DSCAM: variants seen among roughly 807,000 people sequenced by gnomAD.
The protein encoded by DSCAM is cell adhesion molecule DSCAM.
A neutral mutation model predicts 217.7 loss-of-function variants in DSCAM; 47 were observed. The observed-to-expected ratio is 0.22, with a 90% confidence interval of 0.17 to 0.28. DSCAM has a LOEUF of 0.28. DSCAM is among the 10% of genes least tolerant of loss of function. The pLI, the probability that DSCAM is intolerant of heterozygous loss-of-function variation, is 1.00. For missense variants in DSCAM, 2,080 were observed against 2,618.3 expected (o/e 0.79, Z 4.49); for synonymous variants, 1,056 against 1,015.3 (o/e 1.04, Z -0.76).
At chr21:40,368,781 C>A (rs1159594321) in intron 4 of DSCAM, among the ~76,000 whole-genome samples, 1 of 152,114 alleles carries the variant, frequency 6.6e-6, no homozygotes, top group Non-Finnish European at 1.5e-5. Flanking sequence ...GTTTTATAAT[C>A]AAATCAAATG....
At chr21:40,049,634 C>T (rs985085738) in intron 30 of DSCAM, among the ~76,000 whole-genome samples, 1 of 152,216 alleles carries the variant, frequency 6.6e-6, no homozygotes, top group African/African-American at 2.4e-5. Context: ...AGCACTGAGC[C>T]ATATACGTAA....
intron 3 of DSCAM, among the ~76,000 whole-genome samples, chr21:40,553,980 T>A (rs1470971140): frequency 6.6e-6 from 1 of 151,986 alleles, no homozygotes. Context: ...TGAATCAGGG[T>A]GCTTGTCATT....
chr21:40,072,851 T>C (rs774603094), intron 27 of DSCAM, among the ~76,000 whole-genome samples: 18 of 152,338 alleles, frequency 1.2e-4, no homozygotes, highest in South Asian at 1.0e-3. Context: ...CCCCAGAACA[T>C]AGAAATCAAA....
Position 40,033,565 on chromosome 21 carries a change from G to T in DSCAM, c.5686+8806C>A, listed in dbSNP as rs566576320. On this transcript the variant is annotated intron_variant, in intron 32 of 32. Coordinates refer to ENST00000400454, the MANE Select transcript of DSCAM (RefSeq NM_001389.5). ...GCTGATTGCTAGCACAGCAGTCTGAGATCAAACTGCAAGGCGGCAGTGAGG... is the reference window on the plus strand; with the variant it reads ...GCTGATTGCTAGCACAGCAGTCTGATATCAAACTGCAAGGCGGCAGTGAGG... Among the ~76,000 whole-genome samples, 4 of 151,666 alleles carry T rather than the reference G, an allele frequency of 2.6e-5. No individual in the cohort carries two copies. The South Asian group carries it at 8.3e-4, about 31-fold the overall frequency.
chr21:40,042,001 A>G (rs2088759803), intron 32 of DSCAM, among the ~76,000 whole-genome samples: 1 of 152,060 alleles, frequency 6.6e-6, no homozygotes, highest in Admixed American at 6.5e-5. Flanking sequence ...CACAGACTGT[A>G]TCTTGGACCA....
intron 20 of DSCAM, among the ~76,000 whole-genome samples, chr21:40,110,548 AGAACAAAGCTG>A: frequency 6.6e-6 from 1 of 152,260 alleles, no homozygotes; most frequent in South Asian, 2.1e-4. Flanking sequence ...CACCAGCAAC[AGAACAAAGCTG>A]GATGGAAGAT....
chr21:40,818,002 A>C (rs955618871), intron 1 of DSCAM, among the ~76,000 whole-genome samples: 2 of 145,930 alleles, frequency 1.4e-5, no homozygotes, highest in South Asian at 4.5e-4. Flanking sequence ...AGGCTGAGGC[A>C]GGAGAATGGC....
chr21:40,176,292 A>G (rs369525413), intron 15 of DSCAM, among the ~76,000 whole-genome samples: 33 of 152,138 alleles, frequency 2.2e-4, no homozygotes, highest in African/African-American at 7.5e-4. Flanking sequence ...GGCTCTGGGG[A>G]GTCACTAAGT....
chr21:40,312,322 G>A lies in DSCAM; in HGVS notation c.1821C>T (p.Phe607=). The A allele has an allele frequency of 1.2e-6, 2 of 1,614,016 alleles. No homozygotes were observed. The highest frequency in any genetic ancestry group is 2.2e-5 in the South Asian group (2 of 91,080). ...PFIQPFEFPR[F]SIGQRVFIPC... ...GGATGAAGACCCGCTGCCCAATGGA[G>A]AATCTTGGAAACTCAAAGGGTTGTA... The change falls in exon 9 of 33, where the codon TTC becomes TTT. Residue 607 remains phenylalanine, a synonymous_variant. Coordinates refer to ENST00000400454, the MANE Select transcript of DSCAM (RefSeq NM_001389.5).
At chr21:40,615,004 G>T (rs974363927) in intron 3 of DSCAM, among the ~76,000 whole-genome samples, 1 of 151,230 alleles carries the variant, frequency 6.6e-6, no homozygotes, top group Non-Finnish European at 1.5e-5. Context: ...ACACACACAC[G>T]TTTTAAAAGT....
chr21:40,020,344 ACTTCCTTC>A (rs1034041453), intron 32 of DSCAM, among the ~76,000 whole-genome samples: 3 of 152,248 alleles, frequency 2.0e-5, no homozygotes, highest in Admixed American at 6.5e-5. Context: ...ATGAAAACTA[ACTTCCTTC>A]CTTCCTTCCT....
At chr21:40,268,310 TG>T (rs1366203066) in intron 11 of DSCAM, among the ~76,000 whole-genome samples, 1 of 151,962 alleles carries the variant, frequency 6.6e-6, no homozygotes, top group Non-Finnish European at 1.5e-5. Flanking sequence ...GGCAAATGGG[TG>T]GGTCTGGTCA....
At chr21:40,836,124 C>T (rs73903030) in intron 1 of DSCAM, among the ~76,000 whole-genome samples, 10 of 152,290 alleles carry the variant, frequency 6.6e-5, no homozygotes, top group African/African-American at 2.4e-4. Context: ...CCTGTCTCAG[C>T]CCGTTCTAGC....
intron 3 of DSCAM, among the ~76,000 whole-genome samples, chr21:40,583,312 G>T (rs543846238): frequency 2.0e-5 from 3 of 152,324 alleles, no homozygotes; most frequent in Non-Finnish European, 4.4e-5. Flanking sequence ...TCCAGACTGG[G>T]TTTGATTTCC....
intron 1 of DSCAM, among the ~76,000 whole-genome samples, chr21:40,778,689 T>A (rs528819343): frequency 6.6e-6 from 1 of 151,700 alleles, no homozygotes; most frequent in African/African-American, 2.4e-5. Context: ...CAAATAGAAG[T>A]CAAAAGTAAG....
chr21:40,211,020 A>C (rs1420162192), intron 11 of DSCAM, among the ~76,000 whole-genome samples: 2 of 152,198 alleles, frequency 1.3e-5, no homozygotes, highest in Non-Finnish European at 2.9e-5. Flanking sequence ...CTGTGTTTGC[A>C]CCTGGCCCCA....
Position 40,013,368 on chromosome 21 carries a change from G to A in DSCAM, c.5705C>T (p.Pro1902Leu). ...AHRPGDLIHL[P>L]PYLRMDFLLN... is the part of the protein sequence containing the mutation. ...CAAAAAGTCCATTCTAAGGTATGGA[G>A]GCAAATGTATGAGGTCACCTAGAAG... The change falls in exon 33 of 33, where the codon CCT becomes CTT. Residue 1902 changes from proline to leucine, a missense_variant. By Grantham distance (98) the Pro-to-Leu change is moderately conservative. Around this residue, in one of 5 missense-constraint regions of DSCAM, gnomAD observed 145 missense variants for 138.5 expected, o/e 1.05. Transcript: ENST00000400454. 6.4e-7 allele frequency: 1 copy of A among 1,572,348 alleles called. No individual in the cohort carries two copies. Among genetic ancestry groups the A allele is most frequent in the Non-Finnish European group, 8.6e-7 (1 of 1,160,188 alleles).
At chr21:40,321,617 T>TC (rs1491520026) in intron 8 of DSCAM, among the ~76,000 whole-genome samples, 1 of 119,896 alleles carries the variant, frequency 8.3e-6, no homozygotes, top group East Asian at 2.0e-4. Context: ...CTGGTCATTC[T>TC]TTTTTTTTTT....
intron 11 of DSCAM, among the ~76,000 whole-genome samples, chr21:40,259,630 T>C (rs2073420837): frequency 1.3e-5 from 2 of 148,732 alleles, no homozygotes; most frequent in Non-Finnish European, 3.0e-5. Flanking sequence ...GAATAGTTCT[T>C]AGAGAGAATG....
Sources: gnomAD v4.1 joint callset for allele counts (sites outside exome capture counted in the v4.1 genomes callset) on GRCh38, gnomAD v4.1.1 for gene constraint, gnomAD v4.1.1 regional missense constraint, MANE v1.5 for transcripts, NCBI Gene and HGNC (gene_info 2026-07-23, HGNC 2026-07-21) for gene names.